Variants in EPHA6 observed in about 807,000 individuals in gnomAD.
EPHA6 encodes EPH receptor A6.
EPHA6 carries 50 observed loss-of-function variants against 112.0 expected under a neutral mutation model. The observed-to-expected ratio is 0.45, with a 90% CI of 0.36 to 0.56. The LOEUF (loss-of-function observed/expected upper bound fraction) is 0.56, where lower values mean the gene tolerates loss of function less well. Among genes scored for constraint, EPHA6 ranks in the 20% least tolerant of loss-of-function variants. EPHA6 has a pLI of 0.00. For synonymous variants in EPHA6, 529 were observed against 490.7 expected, an observed-to-expected ratio of 1.08 and a Z score of -1.03; for missense variants, 1,280 against 1,417.4, an observed-to-expected ratio of 0.90 and a Z score of 1.56.
At chr3:97,324,047 G>C (rs2082247907) in intron 5 of EPHA6, among the ~76,000 whole-genome samples, 2 of 151,898 alleles carry the variant, frequency 1.3e-5, no homozygotes, top group African/African-American at 2.4e-5. Flanking sequence ...AACCACAGGG[G>C]TTTATAAGAA....
At chr3:96,891,822 A>G (rs889471090) in intron 2 of EPHA6, among the ~76,000 whole-genome samples, 8 of 152,208 alleles carry the variant, frequency 5.3e-5, no homozygotes, top group African/African-American at 1.9e-4. Flanking sequence ...ACATTTAGCC[A>G]TATACTTTGT....
At chr3:96,968,503 A>T (rs1186059083) in intron 2 of EPHA6, among the ~76,000 whole-genome samples, 2 of 151,604 alleles carry the variant, frequency 1.3e-5, no homozygotes, top group Middle Eastern at 3.2e-3. Context: ...AGAATATTGG[A>T]TTAATTAGAA....
chr3:97,306,979 C>A (rs1438027450), intron 5 of EPHA6, among the ~76,000 whole-genome samples: 1 of 151,454 alleles, frequency 6.6e-6, no homozygotes, highest in Non-Finnish European at 1.5e-5. Flanking sequence ...TTATTTCCCT[C>A]CCTGTATTTT....
At chr3:97,125,634 T>C (rs941939709) in intron 3 of EPHA6, among the ~76,000 whole-genome samples, 1 of 152,204 alleles carries the variant, frequency 6.6e-6, no homozygotes, top group African/African-American at 2.4e-5. Flanking sequence ...ACCAGGTTAT[T>C]CTCTCCTTCT....
At chr3:97,389,729 ATAT>A (rs1436752335) in intron 5 of EPHA6, among the ~76,000 whole-genome samples, 1 of 152,182 alleles carries the variant, frequency 6.6e-6, no homozygotes, top group Non-Finnish European at 1.5e-5. Context: ...AAGATTTTCA[ATAT>A]TATTCATTTT....
intron 1 of EPHA6, 119 bp from the exon 2 acceptor site, chr3:96,866,706 T>C: frequency 2.1e-6 from 1 of 474,688 alleles, no homozygotes; most frequent in Non-Finnish European, 3.7e-6. Flanking sequence ...TAAACTTAAT[T>C]CAGTGAATAA....
At chr3:97,643,689 C>A (rs1247739223) in intron 14 of EPHA6, among the ~76,000 whole-genome samples, 1 of 151,514 alleles carries the variant, frequency 6.6e-6, no homozygotes, top group African/African-American at 2.4e-5. Context: ...TCAAAAGAGA[C>A]AAGGCCAATA....
chr3:97,282,549 C>T (rs1414386637), intron 5 of EPHA6, among the ~76,000 whole-genome samples: 1 of 152,096 alleles, frequency 6.6e-6, no homozygotes, highest in Non-Finnish European at 1.5e-5. Context: ...ATGTTTATTG[C>T]AGCACCATTC....
chr3:97,620,004 C>T (rs1368302861), intron 13 of EPHA6, among the ~76,000 whole-genome samples: 1 of 151,892 alleles, frequency 6.6e-6, no homozygotes, highest in Non-Finnish European at 1.5e-5. Flanking sequence ...TCATGCTACT[C>T]AACTTCAAAC....
chr3:96,903,387 A>G (rs1308015436), intron 2 of EPHA6, among the ~76,000 whole-genome samples: 2 of 152,162 alleles, frequency 1.3e-5, no homozygotes, highest in African/African-American at 2.4e-5. Flanking sequence ...ATCAGGGTTC[A>G]TATGTTATAT....
chr3:97,034,000 G>C (rs11713385), intron 3 of EPHA6, among the ~76,000 whole-genome samples: 2 of 151,868 alleles, frequency 1.3e-5, no homozygotes, highest in African/African-American at 4.8e-5. Flanking sequence ...GTTTACCTTA[G>C]TAGTCTGTTT....
chr3:97,281,079 G>T (rs1283186206), intron 5 of EPHA6, among the ~76,000 whole-genome samples: 1 of 152,124 alleles, frequency 6.6e-6, no homozygotes, highest in African/African-American at 2.4e-5. Context: ...TACAATGAGG[G>T]AGAGAAGTTA....
At chr3:97,466,842 C>G (rs1333540543) in intron 7 of EPHA6, among the ~76,000 whole-genome samples, 1 of 151,878 alleles carries the variant, frequency 6.6e-6, no homozygotes, top group East Asian at 1.9e-4. Flanking sequence ...ATATAAACTC[C>G]TGAAGATGTT....
chr3:97,669,578 A>C (rs1203165720), intron 14 of EPHA6, among the ~76,000 whole-genome samples: 1 of 151,476 alleles, frequency 6.6e-6, no homozygotes, highest in Non-Finnish European at 1.5e-5. Context: ...CCTGGGCAAC[A>C]TAGTGATATC....
chr3:97,039,753 A>T (rs1383365136), intron 3 of EPHA6, among the ~76,000 whole-genome samples: 1 of 152,060 alleles, frequency 6.6e-6, no homozygotes, highest in African/African-American at 2.4e-5. Context: ...TGTTTGCCAC[A>T]AGTTTACAGC....
intron 2 of EPHA6, among the ~76,000 whole-genome samples, chr3:96,927,433 T>C (rs1252712153): frequency 1.3e-5 from 2 of 152,250 alleles, no homozygotes; most frequent in Non-Finnish European, 2.9e-5. Context: ...GTTTTTCTTT[T>C]CTATCACATT....
At chr3:96,980,501 G>C (rs1417060599) in intron 2 of EPHA6, among the ~76,000 whole-genome samples, 6 of 152,166 alleles carry the variant, frequency 3.9e-5, no homozygotes, top group African/African-American at 1.4e-4. Flanking sequence ...CTCCAGCTTT[G>C]TTCTTTTGGC....
intron 3 of EPHA6, among the ~76,000 whole-genome samples, chr3:97,095,934 G>A (rs2047222790): frequency 6.6e-6 from 1 of 151,836 alleles, no homozygotes; most frequent in South Asian, 2.1e-4. Context: ...CTGCTTTCTT[G>A]TTTTGTTTTT....
At position 97,135,877 on chromosome 3, in the gene EPHA6, C is replaced by T. The variant is rs576517304; in HGVS notation, c.1115-90387C>T. ...AATGCCACACACACACACACACACA[C>T]GCACCAGCAAGTTAAAACCACAGCA... On this transcript the variant is annotated intron_variant, in intron 3 of 17. Coordinates refer to ENST00000389672, the MANE Select transcript of EPHA6 (RefSeq NM_001080448.3). Among the ~76,000 whole-genome samples, 294 of 152,076 alleles carry T rather than the reference C, an allele frequency of 1.9e-3. 1 individual carries two copies. Among genetic ancestry groups the T allele is most frequent in the Non-Finnish European group, 2.9e-3 (200 of 68,000 alleles).
Sources: gnomAD v4.1 joint callset for allele counts (sites outside exome capture counted in the v4.1 genomes callset) on GRCh38, gnomAD v4.1.1 for gene constraint, MANE v1.5 for transcripts, NCBI Gene and HGNC (gene_info 2026-07-23, HGNC 2026-07-21) for gene names.